The following IGF1R variants were observed in gnomAD, a reference collection of about 807,000 sequenced individuals.
IGF1R encodes the protein insulin-like growth factor 1 receptor.
IGF1R carries 44 observed loss-of-function variants against 144.6 expected under a neutral mutation model. The ratio of observed to expected loss-of-function variants is 0.30; its 90% CI spans 0.24 to 0.39. IGF1R has a LOEUF of 0.39. Ranked by LOEUF, IGF1R falls within the 10% of genes least tolerant of loss-of-function variation. The pLI is 1.00. For missense variants in IGF1R, 1,355 were observed against 1,833.7 expected (o/e 0.74, Z 4.77); for synonymous variants, 795 against 722.8 (o/e 1.10, Z -1.60).
At chr15:98,732,180 A>G (rs1425779163) in intron 2 of IGF1R, among the ~76,000 whole-genome samples, 4 of 152,148 alleles carry the variant, frequency 2.6e-5, no homozygotes, top group Non-Finnish European at 4.4e-5. Flanking sequence ...GCTTTGTGCA[A>G]AGTGCCACAG....
intron 2 of IGF1R, among the ~76,000 whole-genome samples, chr15:98,812,747 C>G (rs1298856027): frequency 6.6e-6 from 1 of 152,184 alleles, no homozygotes; most frequent in Admixed American, 6.5e-5. Context: ...AACTAATTTG[C>G]CCTTGCCCCC....
At chr15:98,950,193 C>T (rs1383954572) in intron 20 of IGF1R, among the ~76,000 whole-genome samples, 1 of 152,220 alleles carries the variant, frequency 6.6e-6, no homozygotes, top group African/African-American at 2.4e-5. Context: ...ATCTCTCACC[C>T]ATCCACCCCC....
intron 13 of IGF1R, among the ~76,000 whole-genome samples, chr15:98,924,995 CT>C (rs5814912): frequency 0.22 from 32,758 of 148,346 alleles, 4,696 homozygotes; most frequent in African/African-American, 0.41. Flanking sequence ...CATTCAAAGA[CT>C]TTTTTTTTTT....
rs1210967926 is a variant in IGF1R at position 98,962,601 on chromosome 15, GT to G, written c.*5160del. 1 of 233,768 alleles carries G rather than the reference GT, an allele frequency of 4.3e-6. No individual in the cohort carries two copies. The highest frequency in any genetic ancestry group is 2.2e-5 in the African/African-American group (1 of 45,364). The allele number at this position is 233,768 out of a possible 1,614,324, so 14.5% of individuals were successfully genotyped here. On this transcript the variant is annotated 3_prime_UTR_variant, in exon 21 of 21. Coordinates refer to ENST00000650285, the MANE Select transcript of IGF1R (RefSeq NM_000875.5). ...ATGACTGGTTGCGTCATTTGGAGAAGTGAGTGCTCCTTGATGGTGGAATGAC... is the reference window on the plus strand; with the variant it reads ...ATGACTGGTTGCGTCATTTGGAGAAGGAGTGCTCCTTGATGGTGGAATGAC...
At chr15:98,927,457 C>G (rs1449341114) in intron 13 of IGF1R, among the ~76,000 whole-genome samples, 4 of 152,200 alleles carry the variant, frequency 2.6e-5, no homozygotes, top group African/African-American at 9.7e-5. Flanking sequence ...ATATCATACA[C>G]CAGTTTCCTA....
chr15:98,757,838 AT>A (rs1281813260), intron 2 of IGF1R, among the ~76,000 whole-genome samples: 1 of 152,104 alleles, frequency 6.6e-6, no homozygotes, highest in Non-Finnish European at 1.5e-5. Context: ...ATCTTATTCA[AT>A]GGTTGCCATT....
At chr15:98,743,538 A>C (rs755296886) in intron 2 of IGF1R, among the ~76,000 whole-genome samples, 3 of 152,232 alleles carry the variant, frequency 2.0e-5, no homozygotes, top group Admixed American at 1.3e-4. Context: ...AAGGCCAGAC[A>C]TGATGCCATG....
At chr15:98,693,912 C>G (rs1009087925) in intron 1 of IGF1R, among the ~76,000 whole-genome samples, 17 of 152,128 alleles carry the variant, frequency 1.1e-4, no homozygotes, top group Admixed American at 1.0e-3. Flanking sequence ...GGCCTGACCT[C>G]CTGTCTTCTG....
At chr15:98,809,651 T>C (rs887832730) in intron 2 of IGF1R, among the ~76,000 whole-genome samples, 1 of 152,066 alleles carries the variant, frequency 6.6e-6, no homozygotes, top group Non-Finnish European at 1.5e-5. Flanking sequence ...AGAAGACTGG[T>C]TTGGGTTTTG....
chr15:98,916,532 G>C, intron 9 of IGF1R, 140 bp from the exon 10 acceptor site: 1 of 815,194 alleles, frequency 1.2e-6, no homozygotes, highest in Non-Finnish European at 2.1e-6. Flanking sequence ...AAAGTGCTGG[G>C]ATTATAGCCT....
At chr15:98,795,069 G>T (rs1272683819) in intron 2 of IGF1R, among the ~76,000 whole-genome samples, 1 of 152,184 alleles carries the variant, frequency 6.6e-6, no homozygotes, top group Non-Finnish European at 1.5e-5. Context: ...CAGATTTGCT[G>T]ATGTTGTAAG....
chr15:98,771,392 C>G (rs12437561), intron 2 of IGF1R, among the ~76,000 whole-genome samples: 1 of 152,042 alleles, frequency 6.6e-6, no homozygotes, highest in East Asian at 1.9e-4. Context: ...TCCTCACTGC[C>G]GTTTCATAGG....
Position 98,891,498 on chromosome 15 carries a change from G to C in IGF1R, c.814G>C (p.Glu272Gln). Reference protein sequence around the residue: ...PACPPNTYRFEGWRCVDRDFC... With the variant: ...PACPPNTYRFQGWRCVDRDFC... ...CTGCCCGCCCAACACCTACAGGTTT[G>C]AGGGCTGGCGCTGTGTGGACCGTGA... Residue 272 changes from glutamate to glutamine, a missense_variant, in exon 3 of 21, where the codon GAG (glutamate) becomes CAG (glutamine). By Grantham distance (29) the Glu-to-Gln change is conservative. This residue lies in a region of IGF1R where 880 missense variants were observed against 1,202.7 expected (regional missense o/e 0.73). Coordinates refer to ENST00000650285, the MANE Select transcript of IGF1R (RefSeq NM_000875.5). This position sits in a 1 kb window ranked among gnomAD's most constrained non-coding sequence, Gnocchi z 4.7. 1 of 1,613,948 alleles carries C rather than the reference G, an allele frequency of 6.2e-7. No homozygotes were observed. The highest frequency in any genetic ancestry group is 8.5e-7 in the Non-Finnish European group (1 of 1,180,036).
intron 1 of IGF1R, among the ~76,000 whole-genome samples, chr15:98,656,330 A>G (rs2052483741): frequency 2.6e-5 from 4 of 152,200 alleles, no homozygotes; most frequent in Admixed American, 2.6e-4. Flanking sequence ...TGGGCAGATC[A>G]CTTGAGGTCA....
chr15:98,675,864 T>C (rs1234232785), intron 1 of IGF1R, among the ~76,000 whole-genome samples: 2 of 144,514 alleles, frequency 1.4e-5, no homozygotes, highest in African/African-American at 5.1e-5. Context: ...CTCGCTCTGT[T>C]GCTCAGGCTG....
At chr15:98,936,398 GTAAT>G (rs1203477333) in intron 17 of IGF1R, among the ~76,000 whole-genome samples, 1 of 152,190 alleles carries the variant, frequency 6.6e-6, no homozygotes, top group Admixed American at 6.5e-5. Flanking sequence ...TGACTTTTGA[GTAAT>G]TAATTCTACA....
chr15:98,712,178 A>G (rs1230026843), intron 2 of IGF1R, among the ~76,000 whole-genome samples: 1 of 151,936 alleles, frequency 6.6e-6, no homozygotes, highest in African/African-American at 2.4e-5. Context: ...TGGTAACTGC[A>G]TTGCCTCCTG....
At chr15:98,723,443 A>G (rs1015534879) in intron 2 of IGF1R, among the ~76,000 whole-genome samples, 5 of 152,240 alleles carry the variant, frequency 3.3e-5, no homozygotes, top group African/African-American at 7.2e-5. Flanking sequence ...GCCGAAACAA[A>G]TAAGTCATGT....
chr15:98,838,917 T>G (rs1452729948), intron 2 of IGF1R, among the ~76,000 whole-genome samples: 3 of 152,220 alleles, frequency 2.0e-5, no homozygotes, highest in Admixed American at 6.5e-5. Flanking sequence ...ATCCTGCTTT[T>G]GCTGGGAGAG....
Sources: gnomAD v4.1 joint callset for allele counts (sites outside exome capture counted in the v4.1 genomes callset) on GRCh38, gnomAD v4.1.1 for gene constraint, gnomAD v4.1.1 regional missense constraint, Gnocchi (gnomAD v3.1) non-coding constraint, MANE v1.5 for transcripts, NCBI Gene and HGNC (gene_info 2026-07-23, HGNC 2026-07-21) for gene names.